Variants in SUOX observed in about 807,000 individuals in gnomAD.
SUOX encodes the protein sulfite oxidase.
SUOX carries 39 observed loss-of-function variants against 41.9 expected under a neutral mutation model. That is an observed-to-expected ratio of 0.93 (90% CI 0.72 to 1.21). The LOEUF is 1.21. Among genes scored for constraint, SUOX ranks in the 50% most tolerant of loss-of-function variants. The pLI, the probability that SUOX is intolerant of heterozygous loss-of-function variation, is 0.00. For synonymous variants in SUOX, 220 were observed against 268.4 expected (o/e 0.82, Z 1.76); for missense variants, 633 against 689.5 (o/e 0.92, Z 0.92).
At chr12:56,002,833 G>C in intron 4 of SUOX, 113 bp downstream of exon 4, 2 of 1,278,250 alleles carry the variant, frequency 1.6e-6, no homozygotes, top group Non-Finnish European at 2.2e-6. Flanking sequence ...TTAGGAGTTT[G>C]AGACCAGCCT....
chr12:56,000,142 G>A (rs376488078), intron 2 of SUOX, among the ~76,000 whole-genome samples: 19 of 152,346 alleles, frequency 1.2e-4, no homozygotes, highest in African/African-American at 4.3e-4. Context: ...GGTGCCATGC[G>A]CCCGCACTCC....
chr12:56,003,032 C>CAAAAA, intron 4 of SUOX: 3 of 218,176 alleles, frequency 1.4e-5, no homozygotes, highest in African/African-American at 5.4e-5. Context: ...GACTCCATCT[C>CAAAAA]AAAAAAAAAA....
At chr12:56,000,682 G>A (rs1052008921) in intron 2 of SUOX, among the ~76,000 whole-genome samples, 56 of 152,242 alleles carry the variant, frequency 3.7e-4, no homozygotes, top group African/African-American at 1.3e-3. Context: ...AGGGCTGTGA[G>A]GACTGCCAGC....
intron 2 of SUOX, among the ~76,000 whole-genome samples, chr12:56,001,125 T>TG (rs35178904): frequency 0.025 from 3,181 of 126,666 alleles, 54 homozygotes; most frequent in Non-Finnish European, 0.042. Context: ...TCTCTTTTTT[T>TG]TTTTTTTTTT....
Position 56,005,386 on chromosome 12 carries a change from T to C in SUOX, c.*359T>C. 1 of 574,398 alleles carries C rather than the reference T, an allele frequency of 1.7e-6. No homozygotes were observed. Among genetic ancestry groups the C allele is most frequent in the South Asian group, 2.4e-5 (1 of 41,730 alleles). 35.6% of individuals were successfully genotyped at this position (574,398 alleles called of 1,614,324 possible). A position where few individuals can be genotyped will look rare whatever the true frequency, so the allele number is the denominator to read the frequency against. On this transcript the variant is annotated 3_prime_UTR_variant, in exon 5 of 5. Transcript: ENST00000266971. The stretch of plus-strand genomic sequence containing the variant: ...TTTTTGGATTGTTCAGAGAAATGTG[T>C]GTGGCATGTGTAAGAAAAGTGTATA...
At chr12:55,998,983 G>GTT (rs969186222) in intron 2 of SUOX, among the ~76,000 whole-genome samples, 2 of 144,762 alleles carry the variant, frequency 1.4e-5, no homozygotes, top group African/African-American at 5.1e-5. Context: ...CAGTTAATTT[G>GTT]TTTTTTTTTT....
At position 55,997,738 on chromosome 12, in the gene SUOX, G is replaced by C. The variant is rs1162631131; in HGVS notation, c.-11+15G>C. The C allele has an allele frequency of 2.6e-5, 4 of 152,552 alleles. No individual in the cohort carries two copies. In the East Asian group the frequency reaches 7.7e-4, roughly 29 times the overall value. The allele number at this position is 152,552 out of a possible 1,614,324, so 9.4% of individuals were successfully genotyped here. Reference sequence around the variant, plus strand: ...CTGGCATTGAGGTAGGTGGCAGAGAGAGTAATGGTCCCATGGCCCAGGGGC... The same window carrying C: ...CTGGCATTGAGGTAGGTGGCAGAGACAGTAATGGTCCCATGGCCCAGGGGC... On this transcript the variant is annotated intron_variant, in intron 2 of 4. Transcript: ENST00000266971.
At chr12:56,000,947 ATTT>A (rs993463495) in intron 2 of SUOX, among the ~76,000 whole-genome samples, 3 of 145,180 alleles carry the variant, frequency 2.1e-5, no homozygotes, top group African/African-American at 7.6e-5. Context: ...AGCCCGGCTA[ATTT>A]TTTTTTTTCT....
In SUOX at chr12:56,004,082, C is replaced by T; in HGVS notation, c.693C>T (p.Arg231=). The change falls in exon 5 of 5, where the codon CGC becomes CGT. Residue 231 remains arginine (R), a synonymous_variant. Transcript: ENST00000266971. This position sits in a 1 kb window ranked among gnomAD's most constrained non-coding sequence, Gnocchi z 4.5. ...PVPNLDPDTY[R]LHVVGAPGGQ... ...CTAACCTGGATCCAGACACCTATCG[C>T]TTACACGTAGTAGGAGCACCTGGGG... 1 of 1,614,134 alleles carries T rather than the reference C, an allele frequency of 6.2e-7. No individual in the cohort carries two copies. Among genetic ancestry groups the T allele is most frequent in the Non-Finnish European group, 8.5e-7 (1 of 1,180,030 alleles).
rs757904644 is a variant in SUOX at position 56,004,830 on chromosome 12, C to T, written c.1441C>T (p.Arg481Cys). Residue 481 changes from arginine to cysteine, a missense_variant, in exon 5 of 5, where the codon CGC (arginine) becomes TGC (cysteine). Coordinates refer to ENST00000266971, the MANE Select transcript of SUOX (RefSeq NM_001032386.2). This position sits in a 1 kb window ranked among gnomAD's most constrained non-coding sequence, Gnocchi z 4.5. ...QVAKLDGEEQ[R>C]PRKAWAWRLW... ...GGCTAAGCTGGATGGAGAGGAACAG[C>T]GCCCCAGGAAGGCCTGGGCATGGCG... 42 of 1,613,986 alleles carry T rather than the reference C, an allele frequency of 2.6e-5. No homozygotes were observed. Among genetic ancestry groups the T allele is most frequent in the African/African-American group, 5.3e-5 (4 of 74,892 alleles).
chr12:56,001,876 G>T, intron 2 of SUOX: 1 of 1,174,394 alleles, frequency 8.5e-7, no homozygotes, highest in Non-Finnish European at 1.1e-6. Context: ...ATTTGGTTTC[G>T]GTCCTTTAGG....
chr12:56,004,281 C>T lies in SUOX; in HGVS notation c.892C>T (p.Leu298Phe), dbSNP rs1565799026. The T allele has an allele frequency of 6.2e-7, 1 of 1,614,062 alleles. No individual in the cohort carries two copies. Among genetic ancestry groups the T allele is most frequent in the African/African-American group, 1.3e-5 (1 of 75,048 alleles). The change falls in exon 5 of 5, where the codon CTC becomes TTC. Residue 298 changes from leucine to phenylalanine, a missense_variant. Transcript: ENST00000266971. The surrounding 1 kb of genome is among the most constrained non-coding windows in gnomAD (Gnocchi z 4.5). ...ISTARWAGAR[L>F]CDVLAQAGHQ... ...CACTGCACGCTGGGCTGGGGCACGG[C>T]TCTGTGATGTGTTAGCCCAGGCTGG...
intron 4 of SUOX, 114 bp from the exon 5 acceptor site, chr12:56,003,504 G>A (rs1245570572): frequency 1.2e-5 from 12 of 962,458 alleles, no homozygotes; most frequent in South Asian, 9.7e-5. Context: ...TATGTGATCC[G>A]CCCACCTCGG....
chr12:56,001,953 T>G, intron 2 of SUOX: 2 of 1,350,326 alleles, frequency 1.5e-6, no homozygotes, highest in Non-Finnish European at 1.9e-6. Flanking sequence ...AGAAAGGTGA[T>G]TCTGATTCTA....
chr12:56,002,416 A>G, intron 3 of SUOX, 127 bp from the exon 4 acceptor site: 1 of 1,499,090 alleles, frequency 6.7e-7, no homozygotes, highest in Non-Finnish European at 9.2e-7. Flanking sequence ...TTTCCCACCT[A>G]TCCCTGGAGA....
rs771965474 is a variant in SUOX at position 56,004,334 on chromosome 12, C to G, written c.945C>G (p.His315Gln). The G allele has an allele frequency of 1.2e-6, 2 of 1,614,134 alleles. No homozygotes were observed. The highest frequency in any genetic ancestry group is 1.7e-5 in the Admixed American group (1 of 60,022). Residue 315 changes from histidine to glutamine, a missense_variant, in exon 5 of 5, where the codon CAC (histidine) becomes CAG (glutamine). His to Gln is a conservative substitution (Grantham distance 24). Coordinates refer to ENST00000266971, the MANE Select transcript of SUOX (RefSeq NM_001032386.2). This position sits in a 1 kb window ranked among gnomAD's most constrained non-coding sequence, Gnocchi z 4.5. ...ACCAACTCTGTGAAACTGAGGCCCA[C>G]GTCTGCTTTGAGGGACTGGACTCAG... ...AGHQLCETEA[H>Q]VCFEGLDSDP...
rs767417796 is a variant in SUOX at position 56,004,662 on chromosome 12, G to C, written c.1273G>C (p.Val425Leu). The part of the protein sequence containing the change: ...DSAPSIQELP[V>L]QSAITEPRDG... ...TGCTCCATCCATTCAGGAACTTCCT[G>C]TCCAGTCGGCCATCACAGAGCCCCG... is the stretch of plus-strand genomic sequence containing the variant. Residue 425 changes from valine to leucine, a missense_variant, in exon 5 of 5, where the codon GTC becomes CTC. Physicochemically the swap from Val to Leu is conservative, Grantham distance 32. Coordinates refer to ENST00000266971, the MANE Select transcript of SUOX (RefSeq NM_001032386.2). The surrounding 1 kb of genome is among the most constrained non-coding windows in gnomAD (Gnocchi z 4.5). 5 of 1,613,912 alleles carry C rather than the reference G, an allele frequency of 3.1e-6. No individual in the cohort carries two copies. The South Asian group carries it at 5.5e-5, about 18-fold the overall frequency.
intron 2 of SUOX, chr12:56,001,950 T>G: frequency 7.4e-7 from 1 of 1,344,928 alleles, no homozygotes; most frequent in South Asian, 1.5e-5. Flanking sequence ...GGGAGAAAGG[T>G]GATTCTGATT....
At position 56,005,275 on chromosome 12, in the gene SUOX, T is replaced by G; in HGVS notation, c.*248T>G. On this transcript the variant is annotated 3_prime_UTR_variant, in exon 5 of 5. Transcript: ENST00000266971. ...AGCAAGGGGCTAGAAGTGAAAAAAG[T>G]AATTCTGGAGACAAGCACTATTTTC... 5.0e-6 allele frequency: 3 copies of G among 598,160 alleles called. No homozygotes were observed. Among genetic ancestry groups the G allele is most frequent in the Middle Eastern group, 4.5e-4 (1 of 2,246 alleles). The allele number at this position is 598,160 out of a possible 1,614,324, so 37.1% of individuals were successfully genotyped here.
Sources: gnomAD v4.1 joint callset for allele counts (sites outside exome capture counted in the v4.1 genomes callset) on GRCh38, gnomAD v4.1.1 for gene constraint, Gnocchi (gnomAD v3.1) non-coding constraint, MANE v1.5 for transcripts, NCBI Gene and HGNC (gene_info 2026-07-23, HGNC 2026-07-21) for gene names.